Variants in CPT1A observed in about 807,000 individuals in gnomAD.
CPT1A encodes carnitine O-palmitoyltransferase 1, liver isoform.
Under a neutral mutation model 100.8 loss-of-function variants are expected in CPT1A, and 64 were observed. That is an observed-to-expected ratio of 0.63 (90% CI 0.52 to 0.78). CPT1A has a LOEUF of 0.78. Among genes scored for constraint, CPT1A ranks in the 30% least tolerant of loss-of-function variants. CPT1A has a pLI of 0.00. For missense variants in CPT1A, 802 were observed against 1,034.1 expected, an observed-to-expected ratio of 0.78 and a Z score of 3.08; for synonymous variants, 363 against 396.0, an observed-to-expected ratio of 0.92 and a Z score of 0.99.
In CPT1A at chr11:68,761,599, C is replaced by T. The variant is rs376959593; in HGVS notation, c.1964G>A (p.Arg655His). 8 of 1,613,906 alleles carry T rather than the reference C, an allele frequency of 5.0e-6. No homozygotes were observed. Among genetic ancestry groups the T allele is most frequent in the Admixed American group, 1.7e-5 (1 of 59,970 alleles). ...CACCACGTAAAGGCAGAAGAGGTGA[C>T]GATCGATCCCAGAGCCGGTCATGGC... Reference protein sequence around the residue: ...RLAMTGSGIDRHLFCLYVVSK... With the variant: ...RLAMTGSGIDHHLFCLYVVSK... Residue 655 changes from arginine to histidine, a missense_variant, in exon 16 of 19, where the codon CGT becomes CAT. Around this residue, in one of 4 missense-constraint regions of CPT1A, gnomAD observed 627 missense variants for 799.3 expected, o/e 0.78. Coordinates refer to ENST00000265641, the MANE Select transcript of CPT1A (RefSeq NM_001876.4).
At chr11:68,817,336 G>GA (rs1856456396) in intron 1 of CPT1A, among the ~76,000 whole-genome samples, 1 of 152,116 alleles carries the variant, frequency 6.6e-6, no homozygotes, top group Non-Finnish European at 1.5e-5. Flanking sequence ...CCAAAACACA[G>GA]AACCATCCGC....
chr11:68,835,822 AATT>A (rs1226497251), intron 1 of CPT1A, among the ~76,000 whole-genome samples: 1 of 152,178 alleles, frequency 6.6e-6, no homozygotes, highest in Admixed American at 6.5e-5. Context: ...CAGCTCTACC[AATT>A]ACTCAGACCT....
intron 1 of CPT1A, among the ~76,000 whole-genome samples, chr11:68,836,436 C>T (rs1388672617): frequency 1.3e-5 from 2 of 152,056 alleles, no homozygotes; most frequent in Non-Finnish European, 2.9e-5. Flanking sequence ...GATGGCACCA[C>T]GGCACTGCAC....
At position 68,773,129 on chromosome 11, in the gene CPT1A, G is replaced by C. The variant is rs534397313; in HGVS notation, c.1740+136C>G. The C allele has an allele frequency of 2.0e-6, 3 of 1,488,644 alleles. No individual in the cohort carries two copies. The South Asian group carries it at 3.8e-5, about 19-fold the overall frequency. 92.2% of individuals were successfully genotyped at this position (1,488,644 alleles called of 1,614,324 possible). ...AACACCCAACGCCACCCGGCCCCCG[G>C]AGACCGGGGTCGGGGGGAGCTGTGC... On this transcript the variant is annotated intron_variant, in intron 14 of 18. Transcript: ENST00000265641.
rs1417146932 is a variant in CPT1A at position 68,812,650 on chromosome 11, G to GCAGCAGGGCTGCTGGGA, written c.142-91_142-75dup. 3 of 1,577,710 alleles carry GCAGCAGGGCTGCTGGGA rather than the reference G, an allele frequency of 1.9e-6. No homozygotes were observed. In the Admixed American group the frequency reaches 5.2e-5, roughly 27 times the overall value. On this transcript the variant is annotated intron_variant, in intron 2 of 18. Transcript: ENST00000265641. ...GGGCAATGACGCTTCATGGCCCCTGGCAGCAGGGCTGCTGGGACAGCAGGC... is the reference window on the plus strand; with the variant it reads ...GGGCAATGACGCTTCATGGCCCCTGGCAGCAGGGCTGCTGGGACAGCAGGGCTGCTGGGACAGCAGGC...
Position 68,841,837 on chromosome 11 carries a change from G to A in CPT1A, c.-76C>T. 1.0e-6 allele frequency: 1 copy of A among 997,216 alleles called. No homozygotes were observed. Among genetic ancestry groups the A allele is most frequent in the Non-Finnish European group, 1.2e-6 (1 of 840,290 alleles). The allele number at this position is 997,216 out of a possible 1,614,324, so 61.8% of individuals were successfully genotyped here. On this transcript the variant is annotated 5_prime_UTR_variant, in exon 1 of 19. Transcript: ENST00000265641. This position sits in a 1 kb window ranked among gnomAD's most constrained non-coding sequence, Gnocchi z 6.3. ...CGGCGGCGGCGGCGGCGGCGGTGGAGTGAACGAGCGGCGAGCGGGAGCCGG... is the reference window on the plus strand; with the variant it reads ...CGGCGGCGGCGGCGGCGGCGGTGGAATGAACGAGCGGCGAGCGGGAGCCGG...
intron 14 of CPT1A, among the ~76,000 whole-genome samples, chr11:68,767,100 T>A (rs1018481900): frequency 3.3e-5 from 5 of 152,186 alleles, no homozygotes; most frequent in Non-Finnish European, 5.9e-5. Context: ...TTTTCACATG[T>A]CACAAAGTAT....
At position 68,841,886 on chromosome 11, in the gene CPT1A, C is replaced by A. The variant is rs918258362; in HGVS notation, c.-125G>T. On this transcript the variant is annotated 5_prime_UTR_variant, in exon 1 of 19. Coordinates refer to ENST00000265641, the MANE Select transcript of CPT1A (RefSeq NM_001876.4). The surrounding 1 kb of genome is among the most constrained non-coding windows in gnomAD (Gnocchi z 6.3). ...GGGGAAGGAGGGCCGCGGGCGAGGC[C>A]GAGCGCACCCGACGCCGGCAGCAGC... 4 of 986,114 alleles carry A rather than the reference C, an allele frequency of 4.1e-6. 1 individual carries two copies. In the South Asian group the frequency reaches 1.8e-4, roughly 45 times the overall value. 61.1% of individuals were successfully genotyped at this position (986,114 alleles called of 1,614,324 possible).
chr11:68,786,111 C>T, intron 9 of CPT1A: 1 of 700,476 alleles, frequency 1.4e-6, no homozygotes, highest in Non-Finnish European at 2.6e-6. Context: ...CCTGTATTCC[C>T]AGCACTTCAG....
intron 5 of CPT1A, among the ~76,000 whole-genome samples, chr11:68,801,048 G>T (rs981406331): frequency 6.6e-6 from 1 of 152,146 alleles, no homozygotes; most frequent in African/African-American, 2.4e-5. Flanking sequence ...ATTCAAGGTT[G>T]CAGTGAGCTA....
intron 13 of CPT1A, chr11:68,773,999 C>G (rs1185074997): frequency 6.0e-6 from 1 of 166,316 alleles, no homozygotes; most frequent in African/African-American, 2.4e-5. Context: ...TTCCCAAGCG[C>G]TGGAGCCACT....
intron 11 of CPT1A, among the ~76,000 whole-genome samples, chr11:68,781,534 C>T (rs968879728): frequency 7.9e-5 from 12 of 152,118 alleles, no homozygotes; most frequent in Admixed American, 2.0e-4. Context: ...GGAGGAGAAT[C>T]GCTTGAACCT....
intron 12 of CPT1A, among the ~76,000 whole-genome samples, chr11:68,776,063 G>A (rs1458395075): frequency 6.6e-6 from 1 of 152,186 alleles, no homozygotes; most frequent in South Asian, 2.1e-4. Flanking sequence ...TGAATTCCAG[G>A]TATGTGTTAC....
chr11:68,796,309 C>G (rs962789256), intron 7 of CPT1A, among the ~76,000 whole-genome samples: 1 of 151,886 alleles, frequency 6.6e-6, no homozygotes, highest in Non-Finnish European at 1.5e-5. Context: ...GTAATCCCAG[C>G]ACTTAGGGAG....
chr11:68,788,630 T>TAAAAAAAAAAAAAAAAAAAAAAAAAAAGA, intron 9 of CPT1A, among the ~76,000 whole-genome samples: 2 of 27,544 alleles, frequency 7.3e-5, no homozygotes, highest in African/African-American at 1.4e-4. Context: ...CAAACAAAAG[T>TAAAAAAAAAAAAAAAAAAAAAAAAAAAGA]AAAAAAAAAA....
rs1594386313 is a variant in CPT1A at position 68,841,819 on chromosome 11, G to A, written c.-58C>T. ...CGGCAGCGGCAGCGGCAGCGGCGGC[G>A]GCGGCGGCGGCGGTGGAGTGAACGA... On this transcript the variant is annotated 5_prime_UTR_variant, in exon 1 of 19. Coordinates refer to ENST00000265641, the MANE Select transcript of CPT1A (RefSeq NM_001876.4). The surrounding 1 kb of genome is among the most constrained non-coding windows in gnomAD (Gnocchi z 6.3). 1 of 998,074 alleles carries A rather than the reference G, an allele frequency of 1.0e-6. No individual in the cohort carries two copies. The highest frequency in any genetic ancestry group is 1.2e-6 in the Non-Finnish European group (1 of 840,646). 61.8% of individuals were successfully genotyped at this position (998,074 alleles called of 1,614,324 possible).
chr11:68,778,560 G>C (rs969770359), intron 12 of CPT1A, among the ~76,000 whole-genome samples: 1 of 151,858 alleles, frequency 6.6e-6, no homozygotes, highest in African/African-American at 2.4e-5. Flanking sequence ...TCCGGGCATG[G>C]TGGCATGTGC....
intron 1 of CPT1A, among the ~76,000 whole-genome samples, chr11:68,830,711 C>G (rs2154002581): frequency 6.6e-6 from 1 of 152,354 alleles, no homozygotes; most frequent in African/African-American, 2.4e-5. Context: ...TGGCTCGCAG[C>G]TGGGAAGTCT....
intron 1 of CPT1A, among the ~76,000 whole-genome samples, chr11:68,833,851 AT>A (rs1856943791): frequency 6.6e-6 from 1 of 151,948 alleles, no homozygotes; most frequent in African/African-American, 2.4e-5. Context: ...AAGGTGAAGG[AT>A]TTTCATTATT....
Sources: allele counts gnomAD v4.1 joint callset (sites outside exome capture counted in the v4.1 genomes callset), GRCh38; gene constraint gnomAD v4.1.1; regional missense constraint gnomAD v4.1.1; non-coding constraint Gnocchi (gnomAD v3.1); transcripts MANE v1.5; gene names NCBI Gene and HGNC (gene_info 2026-07-23, HGNC 2026-07-21).